FAF1: variants seen among roughly 807,000 people sequenced by gnomAD.
FAF1 encodes Fas associated factor 1.
A neutral mutation model predicts 92.5 loss-of-function variants in FAF1; 25 were observed. The observed-to-expected ratio is 0.27, with a 90% CI of 0.20 to 0.38. The LOEUF is 0.38. FAF1 is among the 10% of genes least tolerant of loss of function. FAF1 has a pLI of 1.00. For synonymous variants in FAF1, 234 were observed against 273.2 expected (o/e 0.86, Z 1.42); for missense variants, 636 against 793.3 (o/e 0.80, Z 2.38).
intron 8 of FAF1, among the ~76,000 whole-genome samples, chr1:50,616,788 C>T (rs1652934229): frequency 1.3e-5 from 2 of 151,298 alleles, no homozygotes; most frequent in African/African-American, 4.9e-5. Context: ...TCAAGTGATT[C>T]TTGTGCCTCA....
In FAF1 at chr1:50,726,425, G is replaced by A. The variant is rs189169610; in HGVS notation, c.551+12438C>T. On this transcript the variant is annotated intron_variant, in intron 6 of 18. Transcript: ENST00000396153. ...AAAATGAAGAAAATAGGCTGGGCAC[G>A]GTAGCTCACGCCTGTAATCCCAGCA... Among the ~76,000 whole-genome samples the A allele has an allele frequency of 7.9e-4, 120 of 151,812 alleles. No homozygotes were observed. The Middle Eastern group carries it at 0.01, about 13-fold the overall frequency.
chr1:50,886,151 C>CTG (rs1477418123), intron 1 of FAF1, among the ~76,000 whole-genome samples: 1 of 152,078 alleles, frequency 6.6e-6, no homozygotes, highest in African/African-American at 2.4e-5. Flanking sequence ...CTGTGTTTTT[C>CTG]TGTGTATTTA....
intron 1 of FAF1, among the ~76,000 whole-genome samples, chr1:50,902,907 T>G (rs547720871): frequency 6.6e-6 from 1 of 152,304 alleles, no homozygotes; most frequent in African/African-American, 2.4e-5. Context: ...ATAAAAATCC[T>G]ACATTAACTC....
chr1:50,696,507 T>C (rs1657233286), intron 7 of FAF1, among the ~76,000 whole-genome samples: 1 of 152,196 alleles, frequency 6.6e-6, no homozygotes, highest in Admixed American at 6.5e-5. Context: ...TTGTGGGTAT[T>C]TGACTTTGCA....
chr1:50,742,115 T>C (rs538246276), intron 5 of FAF1, among the ~76,000 whole-genome samples: 1 of 150,742 alleles, frequency 6.6e-6, no homozygotes, highest in Admixed American at 6.6e-5. Context: ...TCAGGATCAG[T>C]CTGGAAAACA....
chr1:50,685,120 G>C (rs993517877), intron 7 of FAF1, among the ~76,000 whole-genome samples: 1 of 152,184 alleles, frequency 6.6e-6, no homozygotes, highest in East Asian at 1.9e-4. Context: ...GAGGAGAAGG[G>C]GTAAGGCTGA....
rs558541822 is a variant in FAF1 at position 50,722,752 on chromosome 1, G to A, written c.551+16111C>T. On this transcript the variant is annotated intron_variant, in intron 6 of 18. Coordinates refer to ENST00000396153, the MANE Select transcript of FAF1 (RefSeq NM_007051.3). ...TTACTGAGCACATGCACTGTGCAAG[G>A]CCCGCTGCTCATATATGCTATCTTA... 6.6e-5 allele frequency among the ~76,000 whole-genome samples: 10 copies of A among 151,992 alleles called. No homozygotes were observed. The East Asian group carries it at 1.7e-3, about 27-fold the overall frequency.
intron 1 of FAF1, among the ~76,000 whole-genome samples, chr1:50,891,356 A>C (rs1310803037): frequency 6.6e-6 from 1 of 152,016 alleles, no homozygotes; most frequent in Non-Finnish European, 1.5e-5. Context: ...TCTTCTCTCA[A>C]CTCTTCAAAG....
At chr1:50,507,804 G>A (rs1572794131) in intron 15 of FAF1, among the ~76,000 whole-genome samples, 1 of 152,074 alleles carries the variant, frequency 6.6e-6, no homozygotes, top group African/African-American at 2.4e-5. Context: ...CCCAGGTTAT[G>A]GTCTAATCAG....
intron 1 of FAF1, among the ~76,000 whole-genome samples, chr1:50,871,166 C>T (rs1644524875): frequency 6.6e-6 from 1 of 152,172 alleles, no homozygotes; most frequent in Non-Finnish European, 1.5e-5. Context: ...CAGGTGAGGA[C>T]ACGCAGAAGA....
In FAF1 at chr1:50,613,347, C is replaced by T. The variant is rs1422962088; in HGVS notation, c.745-17131G>A. 2.0e-5 allele frequency among the ~76,000 whole-genome samples: 3 copies of T among 152,236 alleles called. No homozygotes were observed. In the East Asian group the frequency reaches 5.8e-4, roughly 29 times the overall value. On this transcript the variant is annotated intron_variant, in intron 8 of 18. Coordinates refer to ENST00000396153, the MANE Select transcript of FAF1 (RefSeq NM_007051.3). ...ACTTAAAACTACCAATCAAAATATGCAAAATAAAGACCAAATTTACCTTCA... is the reference window on the plus strand; with the variant it reads ...ACTTAAAACTACCAATCAAAATATGTAAAATAAAGACCAAATTTACCTTCA...
intron 1 of FAF1, among the ~76,000 whole-genome samples, chr1:50,905,505 T>C (rs924766673): frequency 1.3e-5 from 2 of 152,204 alleles, no homozygotes; most frequent in African/African-American, 2.4e-5. Flanking sequence ...CCACCAACAG[T>C]GTAAAAGTAT....
At chr1:50,843,487 C>T (rs933008472) in intron 2 of FAF1, among the ~76,000 whole-genome samples, 1 of 151,990 alleles carries the variant, frequency 6.6e-6, no homozygotes, top group Non-Finnish European at 1.5e-5. Context: ...AGAACTTATT[C>T]CTTCTATCTA....
At chr1:50,595,930 A>C (rs1651781923) in intron 9 of FAF1, among the ~76,000 whole-genome samples, 191 bp downstream of exon 9, 1 of 152,162 alleles carries the variant, frequency 6.6e-6, no homozygotes, top group African/African-American at 2.4e-5. Flanking sequence ...CATGAAACTA[A>C]CAGAGCGAGA....
Position 50,437,796 on chromosome 1 carries a change from G to A in FAF1, c.*3644C>T, listed in dbSNP as rs1646139719. On this transcript the variant is annotated 3_prime_UTR_variant, in exon 19 of 19. Transcript: ENST00000396153. ...CTGGCACTTTGGGAGGCTGAGGTGG[G>A]CCGATTACCTGAGGTCAGGAGTTCT... 3 of 151,996 alleles carry A rather than the reference G, an allele frequency of 2.0e-5. No homozygotes were observed. The allele number at this position is 151,996 out of a possible 1,614,324, so 9.4% of individuals were successfully genotyped here.
At chr1:50,537,708 CTGTAA>C (rs1648557773) in intron 14 of FAF1, among the ~76,000 whole-genome samples, 2 of 152,092 alleles carry the variant, frequency 1.3e-5, no homozygotes, top group African/African-American at 4.8e-5. Flanking sequence ...TTGCAAATCT[CTGTAA>C]TGTGTGTGCT....
At chr1:50,882,094 C>A (rs1198667286) in intron 1 of FAF1, among the ~76,000 whole-genome samples, 1 of 152,018 alleles carries the variant, frequency 6.6e-6, no homozygotes, top group African/African-American at 2.4e-5. Flanking sequence ...AAGATTATTG[C>A]ACCAAAATAC....
At chr1:50,603,568 C>T (rs1404761698) in intron 8 of FAF1, among the ~76,000 whole-genome samples, 3 of 152,168 alleles carry the variant, frequency 2.0e-5, no homozygotes, top group Non-Finnish European at 4.4e-5. Flanking sequence ...CATTTACTGC[C>T]AACCAAAGCG....
chr1:50,632,766 C>T (rs1006136640), intron 8 of FAF1, among the ~76,000 whole-genome samples: 1 of 152,132 alleles, frequency 6.6e-6, no homozygotes, highest in African/African-American at 2.4e-5. Flanking sequence ...CACACTTATG[C>T]ATTGTTTGTG....
Sources: allele counts gnomAD v4.1 joint callset (sites outside exome capture counted in the v4.1 genomes callset), GRCh38; gene constraint gnomAD v4.1.1; transcripts MANE v1.5; gene names NCBI Gene and HGNC (gene_info 2026-07-23, HGNC 2026-07-21).